Variants in DPP4 observed in about 807,000 individuals in gnomAD.
The protein encoded by DPP4 is dipeptidyl peptidase 4, also known as ADCP-2.
Under a neutral mutation model 122.4 loss-of-function variants are expected in DPP4, and 93 were observed. The observed-to-expected ratio is 0.76, with a 90% CI of 0.64 to 0.90. The LOEUF is 0.90. DPP4 is among the 40% of genes least tolerant of loss of function. The pLI is 0.00. For missense variants in DPP4, 914 were observed against 907.3 expected, an observed-to-expected ratio of 1.01 and a Z score of -0.09; for synonymous variants, 321 against 302.9, an observed-to-expected ratio of 1.06 and a Z score of -0.62.
intron 10 of DPP4, among the ~76,000 whole-genome samples, chr2:162,026,291 C>T (rs1227766145): frequency 1.3e-5 from 2 of 152,144 alleles, no homozygotes; most frequent in African/African-American, 4.8e-5. Flanking sequence ...CTGGTGATAC[C>T]GGGCTTCCAT....
chr2:162,005,010 G>C (rs1701246255), intron 23 of DPP4, among the ~76,000 whole-genome samples: 1 of 152,276 alleles, frequency 6.6e-6, no homozygotes, highest in Admixed American at 6.5e-5. Context: ...GTTTTGGAAT[G>C]ATCAAAGTGC....
chr2:162,043,359 C>T (rs1684056873), intron 5 of DPP4, among the ~76,000 whole-genome samples: 1 of 152,092 alleles, frequency 6.6e-6, no homozygotes, highest in Non-Finnish European at 1.5e-5. Flanking sequence ...GATGGGAAGG[C>T]ACTGTAGGTG....
chr2:162,011,546 C>T (rs1035734411), intron 20 of DPP4, among the ~76,000 whole-genome samples: 2 of 152,062 alleles, frequency 1.3e-5, no homozygotes, highest in South Asian at 4.1e-4. Context: ...CATATGCCAA[C>T]TCCCTTTCTA....
chr2:162,018,560 C>A (rs1024223801), intron 16 of DPP4, among the ~76,000 whole-genome samples, 169 bp downstream of exon 16: 5 of 152,142 alleles, frequency 3.3e-5, no homozygotes, highest in African/African-American at 1.2e-4. Context: ...GCAAGTCTCT[C>A]AGTGATAAGG....
intron 8 of DPP4, among the ~76,000 whole-genome samples, chr2:162,036,014 C>T (rs1049663135): frequency 1.3e-5 from 2 of 152,094 alleles, no homozygotes; most frequent in African/African-American, 4.8e-5. Flanking sequence ...AGTACATTGT[C>T]GGGCTTCTTC....
chr2:162,061,976 T>A (rs1157909295), intron 2 of DPP4, among the ~76,000 whole-genome samples: 1 of 152,104 alleles, frequency 6.6e-6, no homozygotes, highest in Non-Finnish European at 1.5e-5. Context: ...TATGTTTAAA[T>A]GTGGTCGCCA....
intron 18 of DPP4, among the ~76,000 whole-genome samples, chr2:162,015,227 AT>A (rs1188531731): frequency 1.3e-5 from 2 of 152,206 alleles, no homozygotes; most frequent in African/African-American, 2.4e-5. Flanking sequence ...AGGCAAAAAA[AT>A]TCTTATCTCT....
intron 10 of DPP4, 67 bp from the exon 11 acceptor site, chr2:162,025,006 C>T (rs961004019): frequency 2.3e-5 from 35 of 1,544,796 alleles, no homozygotes; most frequent in Non-Finnish European, 2.9e-5. Context: ...GACCTTGGTA[C>T]AAATAGACAT....
At chr2:162,026,491 C>T (rs887605151) in intron 10 of DPP4, among the ~76,000 whole-genome samples, 1 of 152,142 alleles carries the variant, frequency 6.6e-6, no homozygotes, top group Non-Finnish European at 1.5e-5. Context: ...CCCCAGTTGC[C>T]CCCTCTTTGT....
intron 2 of DPP4, among the ~76,000 whole-genome samples, chr2:162,065,210 A>G (rs2106157235): frequency 6.6e-6 from 1 of 152,332 alleles, no homozygotes; most frequent in Admixed American, 6.5e-5. Context: ...AAGATCTGAA[A>G]GTTTGCATCT....
chr2:162,005,704 A>G, intron 23 of DPP4, 41 bp downstream of exon 23: 1 of 1,538,100 alleles, frequency 6.5e-7, no homozygotes. Flanking sequence ...TAAACCACTT[A>G]TAAATAGGTT....
chr2:162,070,083 A>G (rs768989700), intron 2 of DPP4, among the ~76,000 whole-genome samples: 2 of 152,244 alleles, frequency 1.3e-5, no homozygotes, highest in Non-Finnish European at 2.9e-5. Flanking sequence ...GAAGAGTTCT[A>G]CAATTCCATA....
In DPP4 at chr2:162,000,616, TGCA is replaced by T. The variant is rs555871911; in HGVS notation, c.2052+5126_2052+5128del. Among the ~76,000 whole-genome samples, 6 of 152,360 alleles carry T rather than the reference TGCA, an allele frequency of 3.9e-5. No homozygotes were observed. The South Asian group carries it at 1.2e-3, about 32-fold the overall frequency. On this transcript the variant is annotated intron_variant, in intron 23 of 25. Transcript: ENST00000360534. ...CACCCTGTTTTGCATAACCTAACGATGCAGCAGTTCTTAAGGATTGAACATTTC... is the reference window on the plus strand; with the variant it reads ...CACCCTGTTTTGCATAACCTAACGATGCAGTTCTTAAGGATTGAACATTTC...
intron 16 of DPP4, 29 bp from the exon 17 acceptor site, chr2:162,017,184 T>C (rs367770477): frequency 2.5e-6 from 4 of 1,600,860 alleles, no homozygotes; most frequent in Non-Finnish European, 3.4e-6. Flanking sequence ...AAAAATGTTT[T>C]GGATGAATAC....
At position 161,995,260 on chromosome 2, in the gene DPP4, C is replaced by T. The variant is rs1172044964; in HGVS notation, c.2125+40G>A. 4 of 1,574,342 alleles carry T rather than the reference C, an allele frequency of 2.5e-6. No individual in the cohort carries two copies. In the African/African-American group the frequency reaches 5.4e-5, roughly 21 times the overall value. Reference sequence around the variant, plus strand: ...TTTTGTCAGTAGTGAAATTGCAAACCTGTCTGTGATACTAAAAAGTCTAAT... The same window carrying T: ...TTTTGTCAGTAGTGAAATTGCAAACTTGTCTGTGATACTAAAAAGTCTAAT... On this transcript the variant is annotated intron_variant, in intron 24 of 25. Transcript: ENST00000360534.
intron 2 of DPP4, among the ~76,000 whole-genome samples, chr2:162,058,786 T>C (rs541315977): frequency 1.3e-5 from 2 of 152,214 alleles, no homozygotes; most frequent in African/African-American, 2.4e-5. Context: ...TGTGAGTGAA[T>C]GGGCACAGCT....
At chr2:162,022,354 T>C (rs1340155465) in intron 12 of DPP4, among the ~76,000 whole-genome samples, 1 of 152,226 alleles carries the variant, frequency 6.6e-6, no homozygotes, top group African/African-American at 2.4e-5. Context: ...CTGCTTGTTA[T>C]AGTGACCTCT....
intron 16 of DPP4, chr2:162,017,648 AC>A (rs1682973486): frequency 1.3e-5 from 2 of 153,866 alleles, no homozygotes; most frequent in African/African-American, 4.8e-5. Flanking sequence ...ACAGTGCCTG[AC>A]TTGGATAAGC....
At chr2:162,068,258 T>G (rs568647842) in intron 2 of DPP4, among the ~76,000 whole-genome samples, 1 of 152,336 alleles carries the variant, frequency 6.6e-6, no homozygotes, top group South Asian at 2.1e-4. Flanking sequence ...CATGAAATTA[T>G]AATATCGCTA....
Sources: gnomAD v4.1 joint callset for allele counts (sites outside exome capture counted in the v4.1 genomes callset) on GRCh38, gnomAD v4.1.1 for gene constraint, MANE v1.5 for transcripts, NCBI Gene and HGNC (gene_info 2026-07-23, HGNC 2026-07-21) for gene names.